The following FAT3 variants were observed in gnomAD, a reference collection of about 807,000 sequenced individuals.
FAT3 encodes the protein protocadherin Fat 3.
In FAT3, 95 loss-of-function variants were observed where a neutral mutation model predicts 310.2. That is an observed-to-expected ratio of 0.31 (90% CI 0.26 to 0.36). The LOEUF is 0.36. Ranked by LOEUF, FAT3 falls within the 10% of genes least tolerant of loss-of-function variation. The pLI is 1.00. For synonymous variants in FAT3, 2,314 were observed against 2,192.9 expected, an observed-to-expected ratio of 1.06 and a Z score of -1.54; for missense variants, 5,408 against 5,715.6, an observed-to-expected ratio of 0.95 and a Z score of 1.74.
intron 3 of FAT3, among the ~76,000 whole-genome samples, chr11:92,528,329 G>C (rs927799064): frequency 3.3e-5 from 5 of 152,174 alleles, no homozygotes; most frequent in Non-Finnish European, 7.4e-5. Flanking sequence ...ATCAAATGCA[G>C]CCTACCCCCA....
chr11:92,341,798 A>T (rs1163050745), intron 1 of FAT3, among the ~76,000 whole-genome samples: 6 of 152,088 alleles, frequency 3.9e-5, no homozygotes, highest in African/African-American at 1.4e-4. Context: ...ACTATTTTAG[A>T]GTCTCAGCCA....
intron 1 of FAT3, among the ~76,000 whole-genome samples, chr11:92,320,235 A>C (rs1480455342): frequency 6.6e-6 from 1 of 152,190 alleles, no homozygotes; most frequent in Admixed American, 6.5e-5. Flanking sequence ...TTGGGAGATT[A>C]CTTTTAGGTA....
chr11:92,232,630 T>TG (rs1366918124), intron 1 of FAT3, among the ~76,000 whole-genome samples: 4 of 29,940 alleles, frequency 1.3e-4, no homozygotes, highest in African/African-American at 1.2e-3. Flanking sequence ...GTGATGTCGT[T>TG]TTTTTTTTTT....
intron 2 of FAT3, among the ~76,000 whole-genome samples, chr11:92,434,338 A>G (rs942792368): frequency 2.0e-5 from 3 of 152,174 alleles, no homozygotes; most frequent in Non-Finnish European, 4.4e-5. Context: ...GCCAAAGTAT[A>G]AAAAGGGCGC....
intron 3 of FAT3, among the ~76,000 whole-genome samples, chr11:92,566,054 G>C (rs1293999301): frequency 1.3e-5 from 2 of 152,120 alleles, no homozygotes; most frequent in African/African-American, 4.8e-5. Context: ...GGCAGGAGAA[G>C]GAAATAAAGG....
At chr11:92,715,084 A>G (rs1333398735) in intron 4 of FAT3, among the ~76,000 whole-genome samples, 1 of 152,014 alleles carries the variant, frequency 6.6e-6, no homozygotes, top group Non-Finnish European at 1.5e-5. Flanking sequence ...AAAAGTTATC[A>G]TAAATGTAAT....
At chr11:92,348,393 C>A (rs117428913) in intron 1 of FAT3, among the ~76,000 whole-genome samples, 3,549 of 152,230 alleles carry the variant, frequency 0.023, 65 homozygotes, top group South Asian at 0.035. Context: ...GCAAAAGCAC[C>A]AATTTTTGAA....
intron 3 of FAT3, among the ~76,000 whole-genome samples, chr11:92,547,193 T>G (rs2135426663): frequency 6.6e-6 from 1 of 152,284 alleles, no homozygotes; most frequent in East Asian, 1.9e-4. Context: ...ATAGCCAGTC[T>G]CACCCTGCCT....
chr11:92,817,171 C>A (rs1163478990), intron 13 of FAT3, among the ~76,000 whole-genome samples: 1 of 152,008 alleles, frequency 6.6e-6, no homozygotes. Flanking sequence ...GCTGAGTGCC[C>A]TGAGGAGATG....
intron 3 of FAT3, among the ~76,000 whole-genome samples, chr11:92,525,904 A>G (rs998609913): frequency 6.6e-6 from 1 of 152,170 alleles, no homozygotes; most frequent in African/African-American, 2.4e-5. Flanking sequence ...GACCTCAAGT[A>G]TTTTATAAAT....
chr11:92,745,779 C>G (rs1945648218), intron 4 of FAT3, among the ~76,000 whole-genome samples: 1 of 152,128 alleles, frequency 6.6e-6, no homozygotes, highest in Non-Finnish European at 1.5e-5. Context: ...CCTTCATTGT[C>G]CTGAAATGCA....
chr11:92,827,921 C>G (rs78144419), intron 13 of FAT3, among the ~76,000 whole-genome samples: 26 of 152,326 alleles, frequency 1.7e-4, no homozygotes, highest in African/African-American at 6.0e-4. Context: ...GAAAGTCACA[C>G]TTCTCTTGGT....
At chr11:92,471,915 C>CTATATA (rs140886151) in intron 2 of FAT3, among the ~76,000 whole-genome samples, 1,514 of 124,578 alleles carry the variant, frequency 0.012, 10 homozygotes, top group Middle Eastern at 0.022. Context: ...TTTTCATATG[C>CTATATA]TATATATATA....
intron 2 of FAT3, among the ~76,000 whole-genome samples, chr11:92,361,179 G>A (rs2134673464): frequency 6.6e-6 from 1 of 152,152 alleles, no homozygotes; most frequent in South Asian, 2.1e-4. Flanking sequence ...TCACTATCTG[G>A]GATATGATGT....
chr11:92,675,636 TA>T (rs1943262945), intron 3 of FAT3, among the ~76,000 whole-genome samples: 1 of 152,218 alleles, frequency 6.6e-6, no homozygotes, highest in Non-Finnish European at 1.5e-5. Context: ...TGCCAGGTTA[TA>T]ATCATACTGT....
At chr11:92,684,089 G>C (rs1380345567) in intron 3 of FAT3, among the ~76,000 whole-genome samples, 1 of 152,122 alleles carries the variant, frequency 6.6e-6, no homozygotes, top group Non-Finnish European at 1.5e-5. Context: ...CCACTCTCAG[G>C]CTCAATGCAC....
intron 3 of FAT3, among the ~76,000 whole-genome samples, chr11:92,551,518 G>A (rs914293656): frequency 6.6e-6 from 1 of 150,972 alleles, no homozygotes; most frequent in African/African-American, 2.4e-5. Flanking sequence ...AGACCCTGCA[G>A]TTCAACCTTC....
chr11:92,778,059 T>G (rs1946640652), intron 7 of FAT3, among the ~76,000 whole-genome samples: 1 of 151,974 alleles, frequency 6.6e-6, no homozygotes, highest in Admixed American at 6.6e-5. Context: ...TCTGGATACT[T>G]TCTGACTTAT....
chr11:92,839,811 G>C lies in FAT3; in HGVS notation c.10369-751G>C, dbSNP rs79894263. 2.7e-3 allele frequency among the ~76,000 whole-genome samples: 409 copies of C among 152,316 alleles called. 1 individual carries two copies. Among genetic ancestry groups the C allele is most frequent in the African/African-American group, 9.4e-3 (389 of 41,570 alleles). The stretch of plus-strand genomic sequence containing the variant: ...GAGGATTTAATTTGCCGTTTTCAAC[G>C]TGAGGATGACCTTTGACCCAAGAAG... On this transcript the variant is annotated intron_variant, in intron 17 of 27. Transcript: ENST00000525166.
Sources: allele counts gnomAD v4.1 joint callset (sites outside exome capture counted in the v4.1 genomes callset), GRCh38; gene constraint gnomAD v4.1.1; transcripts MANE v1.5; gene names NCBI Gene and HGNC (gene_info 2026-07-23, HGNC 2026-07-21).